Variants in NR2C1 observed in about 807,000 individuals in gnomAD.
NR2C1 encodes TR2 nuclear hormone receptor.
A neutral mutation model predicts 74.8 loss-of-function variants in NR2C1; 33 were observed. That is an observed-to-expected ratio of 0.44 (90% CI 0.33 to 0.59). The LOEUF (loss-of-function observed/expected upper bound fraction) is 0.59, where lower values mean the gene tolerates loss of function less well. Among genes scored for constraint, NR2C1 ranks in the 20% least tolerant of loss-of-function variants. NR2C1 has a pLI of 0.02. For synonymous variants in NR2C1, 225 were observed against 240.6 expected (o/e 0.94, Z 0.60); for missense variants, 568 against 715.6 (o/e 0.79, Z 2.35).
At chr12:95,064,649 G>T (rs775943263) in intron 2 of NR2C1, among the ~76,000 whole-genome samples, 11 of 152,134 alleles carry the variant, frequency 7.2e-5, no homozygotes, top group African/African-American at 9.7e-5. Flanking sequence ...TGCCATCTGG[G>T]GGGGAGGAAC....
chr12:95,030,396 A>T (rs1016536143), intron 11 of NR2C1: 4 of 1,222,942 alleles, frequency 3.3e-6, no homozygotes, highest in Non-Finnish European at 4.2e-6. Flanking sequence ...AGAAGAAAAA[A>T]ACTGAAGCAG....
chr12:95,029,935 C>G lies in NR2C1; in HGVS notation c.1394-1411G>C, dbSNP rs1381199962. Among the ~76,000 whole-genome samples the G allele has an allele frequency of 3.9e-5, 6 of 152,220 alleles. No homozygotes were observed. The East Asian group carries it at 1.2e-3, about 29-fold the overall frequency. ...CCAAGCTAGGGTGTAGTGGTGCCAT[C>G]ATAGCTCACTGCAACCTCAAATTCC... On this transcript the variant is annotated intron_variant, in intron 11 of 13. Coordinates refer to ENST00000333003, the MANE Select transcript of NR2C1 (RefSeq NM_003297.4).
At chr12:95,061,586 A>G (rs2136188311) in intron 3 of NR2C1, among the ~76,000 whole-genome samples, 1 of 152,336 alleles carries the variant, frequency 6.6e-6, no homozygotes, top group Non-Finnish European at 1.5e-5. Flanking sequence ...TTCCAAAACT[A>G]ATACAAATAT....
chr12:95,061,117 C>G (rs963088543), intron 3 of NR2C1, among the ~76,000 whole-genome samples: 4 of 152,144 alleles, frequency 2.6e-5, no homozygotes, highest in Admixed American at 2.0e-4. Context: ...CTACAATATA[C>G]CTGGCCAGTA....
At chr12:95,057,978 G>A (rs1874176369) in intron 5 of NR2C1, 100 bp from the exon 6 acceptor site, 4 of 975,514 alleles carry the variant, frequency 4.1e-6, no homozygotes, top group Non-Finnish European at 4.6e-6. Context: ...AGGAGACATG[G>A]CTACCATACT....
At chr12:95,033,000 G>A (rs1870344812) in intron 10 of NR2C1, among the ~76,000 whole-genome samples, 1 of 152,002 alleles carries the variant, frequency 6.6e-6, no homozygotes, top group Admixed American at 6.6e-5. Context: ...TGGGTGCTGT[G>A]GCACATGCCT....
chr12:95,022,486 A>G (rs1868874843), intron 13 of NR2C1, 83 bp from the exon 14 acceptor site: 1 of 1,053,948 alleles, frequency 9.5e-7, no homozygotes, highest in Non-Finnish European at 1.4e-6. Context: ...TAATTTCTGC[A>G]TGTGGCCTAA....
At chr12:95,055,623 T>C (rs1392585363) in intron 7 of NR2C1, among the ~76,000 whole-genome samples, 1 of 152,124 alleles carries the variant, frequency 6.6e-6, no homozygotes, top group African/African-American at 2.4e-5. Context: ...ATAACAAATC[T>C]TGCATAAACA....
At chr12:95,049,036 A>G (rs767877801) in intron 9 of NR2C1, 32 bp downstream of exon 9, 1 of 1,588,552 alleles carries the variant, frequency 6.3e-7, no homozygotes, top group Non-Finnish European at 8.6e-7. Flanking sequence ...AAGCAACACA[A>G]CATACAAGTT....
intron 7 of NR2C1, among the ~76,000 whole-genome samples, chr12:95,055,952 C>CAAAAA (rs3048563): frequency 1.2e-4 from 7 of 56,494 alleles, no homozygotes; most frequent in African/African-American, 3.7e-4. Context: ...GACTCCGTCT[C>CAAAAA]AAAAAAAAAA....
chr12:95,050,991 A>C (rs560837773), intron 8 of NR2C1, among the ~76,000 whole-genome samples: 1 of 152,308 alleles, frequency 6.6e-6, no homozygotes, highest in South Asian at 2.1e-4. Flanking sequence ...CTTTAGAAGA[A>C]AAAATTCCTA....
chr12:95,022,700 A>T (rs893069294), intron 13 of NR2C1, among the ~76,000 whole-genome samples: 4 of 143,296 alleles, frequency 2.8e-5, no homozygotes, highest in Non-Finnish European at 6.1e-5. Context: ...AAGTTATACA[A>T]TTTTTTTTTT....
intron 1 of NR2C1, among the ~76,000 whole-genome samples, chr12:95,068,256 T>C (rs1472666770): frequency 6.6e-6 from 1 of 152,206 alleles, no homozygotes; most frequent in Non-Finnish European, 1.5e-5. Flanking sequence ...AGGACATCAG[T>C]TATTTTGGAT....
At chr12:95,026,491 G>C (rs1221896683) in intron 12 of NR2C1, among the ~76,000 whole-genome samples, 1 of 152,162 alleles carries the variant, frequency 6.6e-6, no homozygotes, top group East Asian at 1.9e-4. Flanking sequence ...TGTTCTCATG[G>C]ATGAAAATTT....
At chr12:95,029,449 G>A (rs762447907) in intron 11 of NR2C1, among the ~76,000 whole-genome samples, 6 of 151,784 alleles carry the variant, frequency 4.0e-5, no homozygotes, top group Non-Finnish European at 7.4e-5. Flanking sequence ...ATTGCTTTTG[G>A]GGAAAAAACT....
At chr12:95,027,607 A>G (rs1869516418) in intron 12 of NR2C1, among the ~76,000 whole-genome samples, 1 of 152,076 alleles carries the variant, frequency 6.6e-6, no homozygotes, top group African/African-American at 2.4e-5. Context: ...GTGGTGGTAC[A>G]TGCCTGTAAT....
intron 9 of NR2C1, among the ~76,000 whole-genome samples, chr12:95,044,831 G>A (rs111874631): frequency 5.3e-5 from 8 of 152,230 alleles, no homozygotes; most frequent in African/African-American, 1.7e-4. Context: ...GCAGTGAGTC[G>A]CGATCATGCC....
chr12:95,038,781 A>G (rs1237414559), intron 10 of NR2C1, among the ~76,000 whole-genome samples: 1 of 152,186 alleles, frequency 6.6e-6, no homozygotes, highest in African/African-American at 2.4e-5. Context: ...ATTGTTCTCC[A>G]GATTACCCCA....
intron 1 of NR2C1, among the ~76,000 whole-genome samples, chr12:95,072,066 T>C (rs1592808988): frequency 6.7e-6 from 1 of 150,272 alleles, no homozygotes; most frequent in South Asian, 2.1e-4. Context: ...CTTTTAATGA[T>C]AGAAATACAC....
Sources: allele counts gnomAD v4.1 joint callset (sites outside exome capture counted in the v4.1 genomes callset), GRCh38; gene constraint gnomAD v4.1.1; transcripts MANE v1.5; gene names NCBI Gene and HGNC (gene_info 2026-07-23, HGNC 2026-07-21).